Variants in EXOC6 observed in about 807,000 individuals in gnomAD.
The protein encoded by EXOC6 is SEC15-like 1.
Under a neutral mutation model 112.5 loss-of-function variants are expected in EXOC6, and 60 were observed. The ratio of observed to expected loss-of-function variants is 0.53; its 90% CI spans 0.43 to 0.66. The LOEUF (loss-of-function observed/expected upper bound fraction) is 0.66, where lower values mean the gene tolerates loss of function less well. Ranked by LOEUF, EXOC6 falls within the 30% of genes least tolerant of loss-of-function variation. EXOC6 has a pLI of 0.00. For missense variants in EXOC6, 855 were observed against 957.1 expected, an observed-to-expected ratio of 0.89 and a Z score of 1.41; for synonymous variants, 295 against 308.0, an observed-to-expected ratio of 0.96 and a Z score of 0.44.
chr10:92,852,802 A>G (rs553162213), intron 1 of EXOC6, among the ~76,000 whole-genome samples: 7 of 152,178 alleles, frequency 4.6e-5, no homozygotes, highest in Non-Finnish European at 8.8e-5. Flanking sequence ...CTAGAGCTAA[A>G]TTGTGCTTAG....
Position 92,896,175 on chromosome 10 carries a change from ATATATATTTTTTTTTTTTTTTTTTT to A in EXOC6, c.412+1157_412+1181del, listed in dbSNP as rs1849800661. ...TATATATATATATATATATATATAT[ATATATATTTTTTTTTTTTTTTTTTT>A]TTTTTTTTTTTTTTTTTGGCGGAGT... On this transcript the variant is annotated intron_variant, in intron 4 of 21. Coordinates refer to ENST00000260762, the MANE Select transcript of EXOC6 (RefSeq NM_019053.6). Among the ~76,000 whole-genome samples, 27 of 20,498 alleles carry A rather than the reference ATATATATTTTTTTTTTTTTTTTTTT, an allele frequency of 1.3e-3. 1 individual carries two copies. The highest frequency in any genetic ancestry group is 4.7e-3 in the African/African-American group (23 of 4,942). 13.4% of individuals were successfully genotyped at this position (20,498 alleles called of 152,430 possible). A position where few individuals can be genotyped will look rare whatever the true frequency, so the allele number is the denominator to read the frequency against.
chr10:92,950,063 G>A (rs1273680965), intron 14 of EXOC6, among the ~76,000 whole-genome samples: 1 of 152,134 alleles, frequency 6.6e-6, no homozygotes, highest in African/African-American at 2.4e-5. Context: ...AATATATGCA[G>A]TACCTCTTAA....
intron 20 of EXOC6, among the ~76,000 whole-genome samples, chr10:93,043,521 A>T (rs1218685605): frequency 6.6e-6 from 1 of 151,194 alleles, no homozygotes; most frequent in Non-Finnish European, 1.5e-5. Flanking sequence ...CACTGTTTTT[A>T]TGTATTACAA....
chr10:92,855,959 G>T (rs1847580671), intron 1 of EXOC6, among the ~76,000 whole-genome samples: 1 of 152,066 alleles, frequency 6.6e-6, no homozygotes, highest in African/African-American at 2.4e-5. Context: ...CCGCCTCCTG[G>T]GTTCAAGCGA....
At chr10:92,931,963 T>A (rs1332048492) in intron 9 of EXOC6, among the ~76,000 whole-genome samples, 1 of 152,162 alleles carries the variant, frequency 6.6e-6, no homozygotes, top group Non-Finnish European at 1.5e-5. Flanking sequence ...AAAATGTATC[T>A]TTATACAGTG....
At chr10:92,859,203 T>A (rs781215253) in intron 1 of EXOC6, among the ~76,000 whole-genome samples, 4 of 152,328 alleles carry the variant, frequency 2.6e-5, no homozygotes, top group Middle Eastern at 6.8e-3. Context: ...TTCCACCCCA[T>A]AACACTCATG....
intron 6 of EXOC6, among the ~76,000 whole-genome samples, chr10:92,911,107 A>G (rs928570479): frequency 5.3e-5 from 8 of 152,226 alleles, no homozygotes; most frequent in East Asian, 1.9e-4. Context: ...TGTTCTTGCA[A>G]TGTCATAGAA....
intron 20 of EXOC6, among the ~76,000 whole-genome samples, chr10:93,022,130 A>C (rs1328528839): frequency 6.6e-6 from 1 of 152,212 alleles, no homozygotes; most frequent in African/African-American, 2.4e-5. Context: ...TTACTAAGAC[A>C]TACTTATAAA....
chr10:92,940,127 T>C (rs1430908941), intron 12 of EXOC6, among the ~76,000 whole-genome samples: 1 of 151,886 alleles, frequency 6.6e-6, no homozygotes, highest in Non-Finnish European at 1.5e-5. Flanking sequence ...TGGAAGGAGA[T>C]AGGCTCAAGA....
intron 6 of EXOC6, among the ~76,000 whole-genome samples, 169 bp from the exon 7 acceptor site, chr10:92,915,589 A>G (rs1208791265): frequency 1.4e-5 from 2 of 138,076 alleles, no homozygotes; most frequent in African/African-American, 2.6e-5. Context: ...TTTTTTTTTA[A>G]AAAAAGGAAA....
Position 92,858,029 on chromosome 10 carries a change from C to CCCG in EXOC6, c.101+9395_101+9396insCCG, listed in dbSNP as rs1564777130. 1.5e-5 allele frequency among the ~76,000 whole-genome samples: 2 copies of CCCG among 136,112 alleles called. 1 individual carries two copies. Among genetic ancestry groups the CCCG allele is most frequent in the African/African-American group, 5.5e-5 (2 of 36,060 alleles). 89.3% of individuals were successfully genotyped at this position (136,112 alleles called of 152,430 possible). On this transcript the variant is annotated intron_variant, in intron 1 of 21. Transcript: ENST00000260762. The stretch of plus-strand genomic sequence containing the variant: ...GATTTTTAGTTGACGGGTTCCCCCC[C>CCCG]TCCGCCGGCCAGCAGTTTGAATATG...
chr10:92,966,769 A>G (rs1300090121), intron 17 of EXOC6, among the ~76,000 whole-genome samples: 3 of 148,862 alleles, frequency 2.0e-5, no homozygotes, highest in Non-Finnish European at 4.4e-5. Flanking sequence ...GTGTCTTTAT[A>G]GCAGCATGAT....
upstream of EXOC6, among the ~76,000 whole-genome samples, chr10:92,845,878 C>G (rs867949900): frequency 5.9e-5 from 9 of 152,200 alleles, no homozygotes; most frequent in South Asian, 4.1e-4. Flanking sequence ...GCGGAGGTTG[C>G]AGTGAGCCAA....
intron 15 of EXOC6, 122 bp downstream of exon 15, chr10:92,952,504 T>C (rs143435400): frequency 1.5e-6 from 1 of 685,170 alleles, no homozygotes; most frequent in East Asian, 2.8e-5. Flanking sequence ...TACATGTTTG[T>C]TATAGGGGCA....
chr10:92,935,955 A>T (rs940223968), intron 12 of EXOC6, 70 bp downstream of exon 12: 1 of 950,048 alleles, frequency 1.1e-6, no homozygotes. Flanking sequence ...GGCTATACTC[A>T]TTTATGTTAT....
At chr10:93,030,166 C>T (rs959998271) in intron 20 of EXOC6, among the ~76,000 whole-genome samples, 6 of 152,118 alleles carry the variant, frequency 3.9e-5, no homozygotes, top group Non-Finnish European at 8.8e-5. Flanking sequence ...CCTCGACCTC[C>T]CAAAGTGCTG....
At chr10:92,925,921 A>G (rs1430867254) in intron 8 of EXOC6, among the ~76,000 whole-genome samples, 1 of 152,060 alleles carries the variant, frequency 6.6e-6, no homozygotes, top group African/African-American at 2.4e-5. Flanking sequence ...TTTCAGCCTC[A>G]TCTTTACTTT....
At chr10:92,878,175 A>G (rs1380033696) in intron 1 of EXOC6, 1 of 152,422 alleles carries the variant, frequency 6.6e-6, no homozygotes, top group Non-Finnish European at 1.5e-5. Context: ...GAGCATCTGC[A>G]TCAGTAATTG....
At chr10:93,033,935 C>G (rs575021739) in intron 20 of EXOC6, among the ~76,000 whole-genome samples, 44 of 152,226 alleles carry the variant, frequency 2.9e-4, no homozygotes, top group South Asian at 6.2e-4. Context: ...AAGAAAGCCA[C>G]CAAAGTATCT....
Sources: gnomAD v4.1 joint callset for allele counts (sites outside exome capture counted in the v4.1 genomes callset) on GRCh38, gnomAD v4.1.1 for gene constraint, MANE v1.5 for transcripts, NCBI Gene and HGNC (gene_info 2026-07-23, HGNC 2026-07-21) for gene names.